Variants in CAMK1D observed in about 807,000 individuals in gnomAD.
The protein encoded by CAMK1D is calcium/calmodulin dependent protein kinase ID.
CAMK1D carries 9 observed loss-of-function variants against 47.7 expected under a neutral mutation model. That is an observed-to-expected ratio of 0.19 (90% confidence interval 0.11 to 0.33). The LOEUF is 0.33. CAMK1D is among the 10% of genes least tolerant of loss of function. CAMK1D has a pLI of 1.00. For synonymous variants in CAMK1D, 184 were observed against 184.9 expected (o/e 0.99, Z 0.04); for missense variants, 291 against 488.7 (o/e 0.60, Z 3.81).
intron 1 of CAMK1D, among the ~76,000 whole-genome samples, chr10:12,495,835 T>G (rs1377820354): frequency 6.6e-6 from 1 of 152,208 alleles, no homozygotes; most frequent in African/African-American, 2.4e-5. Flanking sequence ...GTATATATTT[T>G]TTTTCTTCTT....
intron 2 of CAMK1D, among the ~76,000 whole-genome samples, chr10:12,595,852 A>G (rs1838133456): frequency 6.6e-6 from 1 of 152,178 alleles, no homozygotes; most frequent in Admixed American, 6.5e-5. Context: ...TTTGTATTGC[A>G]CTGGGCTGTG....
At chr10:12,410,493 A>G (rs1348266694) in intron 1 of CAMK1D, among the ~76,000 whole-genome samples, 2 of 152,194 alleles carry the variant, frequency 1.3e-5, no homozygotes, top group Non-Finnish European at 2.9e-5. Context: ...TCTGCTCAAG[A>G]CAGACACAAC....
chr10:12,367,621 TC>T (rs1837874740), intron 1 of CAMK1D, among the ~76,000 whole-genome samples: 1 of 152,092 alleles, frequency 6.6e-6, no homozygotes, highest in Non-Finnish European at 1.5e-5. Context: ...CAGTGAGGGC[TC>T]CTCAGGCATT....
intron 3 of CAMK1D, among the ~76,000 whole-genome samples, chr10:12,730,284 G>C (rs778713573): frequency 4.6e-5 from 7 of 152,174 alleles, no homozygotes; most frequent in Non-Finnish European, 1.0e-4. Context: ...AAGGGAAACA[G>C]AGGGGTCAAA....
At position 12,760,915 on chromosome 10, in the gene CAMK1D, CT is replaced by C; in HGVS notation, c.300-30del. ...CTTTCCCTTCACAATTCAACAGATCCTTTCAAACTTCTAATATGTTCTTTTT... is the reference window on the plus strand; with the variant it reads ...CTTTCCCTTCACAATTCAACAGATCCTTCAAACTTCTAATATGTTCTTTTT... On this transcript the variant is annotated intron_variant, in intron 3 of 10. Transcript: ENST00000619168. 1.9e-6 allele frequency: 3 copies of C among 1,596,884 alleles called. No individual in the cohort carries two copies. The South Asian group carries it at 3.3e-5, about 18-fold the overall frequency.
intron 1 of CAMK1D, among the ~76,000 whole-genome samples, chr10:12,513,474 A>C (rs1324076666): frequency 6.6e-6 from 1 of 152,070 alleles, no homozygotes; most frequent in Non-Finnish European, 1.5e-5. Flanking sequence ...TTGAGGGCAG[A>C]GCCTTTGACT....
intron 1 of CAMK1D, among the ~76,000 whole-genome samples, chr10:12,543,176 T>G (rs764920321): frequency 3.3e-4 from 50 of 152,256 alleles, no homozygotes; most frequent in Non-Finnish European, 5.4e-4. Context: ...GCCTCCCGAG[T>G]TGCCGGGATT....
At chr10:12,511,072 C>G (rs928839973) in intron 1 of CAMK1D, among the ~76,000 whole-genome samples, 3 of 152,312 alleles carry the variant, frequency 2.0e-5, no homozygotes, top group African/African-American at 7.2e-5. Flanking sequence ...CAGTGGCCTG[C>G]TTTGTTGTAA....
intron 1 of CAMK1D, among the ~76,000 whole-genome samples, chr10:12,532,370 C>G (rs945645083): frequency 1.3e-5 from 2 of 151,150 alleles, no homozygotes; most frequent in African/African-American, 4.8e-5. Flanking sequence ...AGCTCCGCCT[C>G]CTGGGTTCAC....
rs1268812358 is a variant in CAMK1D at position 12,553,206 on chromosome 10, T to A, written c.93-19T>A. On this transcript the variant is annotated intron_variant, in intron 1 of 10. Coordinates refer to ENST00000619168, the MANE Select transcript of CAMK1D (RefSeq NM_153498.4). The stretch of plus-strand genomic sequence containing the variant: ...GGACTTCTGCATCTAAGTGTTCTTT[T>A]TTCCTTCTTTGTTCACAGCGGGGCC... The A allele has an allele frequency of 6.2e-7, 1 of 1,613,650 alleles. No homozygotes were observed. Among genetic ancestry groups the A allele is most frequent in the African/African-American group, 1.3e-5 (1 of 74,870 alleles).
chr10:12,769,381 C>T (rs1836928877), intron 4 of CAMK1D, among the ~76,000 whole-genome samples: 1 of 152,210 alleles, frequency 6.6e-6, no homozygotes, highest in Non-Finnish European at 1.5e-5. Flanking sequence ...CACAAGTCTG[C>T]AAAGCAATCG....
At chr10:12,624,701 G>T (rs77255208) in intron 2 of CAMK1D, among the ~76,000 whole-genome samples, 36 of 152,072 alleles carry the variant, frequency 2.4e-4, no homozygotes, top group African/African-American at 7.7e-4. Flanking sequence ...CTTTTTTTAC[G>T]GGGGAGCCTG....
rs531207515 is a variant in CAMK1D at position 12,375,730 on chromosome 10, C to T, written c.92+25820C>T. Among the ~76,000 whole-genome samples the T allele has an allele frequency of 1.8e-4, 27 of 152,284 alleles. No individual in the cohort carries two copies. The South Asian group carries it at 5.4e-3, about 30-fold the overall frequency. On this transcript the variant is annotated intron_variant, in intron 1 of 10. Coordinates refer to ENST00000619168, the MANE Select transcript of CAMK1D (RefSeq NM_153498.4). ...TATTATTTCCTCGTTGGGGTTTCCT[C>T]CTCTCAAACACGGCTTGTTGTAGTC...
In CAMK1D at chr10:12,547,278, C is replaced by A. The variant is rs60159925; in HGVS notation, c.93-5947C>A. On this transcript the variant is annotated intron_variant, in intron 1 of 10. Coordinates refer to ENST00000619168, the MANE Select transcript of CAMK1D (RefSeq NM_153498.4). The stretch of plus-strand genomic sequence containing the variant: ...ATTGGGTTTAGCAACTAGGGGACCC[C>A]TGGGGGGCCCAGCCCACAAGGGTCC... Among the ~76,000 whole-genome samples, 1,057 of 152,288 alleles carry A rather than the reference C, an allele frequency of 6.9e-3. 8 individuals are homozygous for A. The highest frequency in any genetic ancestry group is 0.024 in the African/African-American group (985 of 41,558).
intron 3 of CAMK1D, among the ~76,000 whole-genome samples, chr10:12,741,506 C>T (rs1057337317): frequency 7.2e-5 from 11 of 152,224 alleles, no homozygotes; most frequent in Admixed American, 5.9e-4. Flanking sequence ...GTATTGGCTA[C>T]AGTCTGTGAA....
intron 1 of CAMK1D, among the ~76,000 whole-genome samples, chr10:12,373,257 G>GCC (rs1469066430): frequency 3.3e-5 from 5 of 151,350 alleles, no homozygotes; most frequent in Admixed American, 1.3e-4. Flanking sequence ...AGGCTGCAGT[G>GCC]AGCCGTGATC....
chr10:12,362,482 C>CTTTTTGT (rs113618438), intron 1 of CAMK1D, among the ~76,000 whole-genome samples: 3 of 140,690 alleles, frequency 2.1e-5, no homozygotes, highest in Non-Finnish European at 4.8e-5. Flanking sequence ...CTCCCATGTA[C>CTTTTTGT]TTTTTGTTTT....
chr10:12,551,185 C>G (rs757039985), intron 1 of CAMK1D, among the ~76,000 whole-genome samples: 2 of 152,350 alleles, frequency 1.3e-5, no homozygotes, highest in African/African-American at 4.8e-5. Flanking sequence ...CAGCCACTCC[C>G]CATTGTTCAC....
At chr10:12,462,156 GTTTTTTTTTTTTTTT>G (rs57336292) in intron 1 of CAMK1D, among the ~76,000 whole-genome samples, 3 of 79,626 alleles carry the variant, frequency 3.8e-5, no homozygotes, top group African/African-American at 1.5e-4. Context: ...CCTATGAAGA[GTTTTTTTTTTTTTTT>G]TTTTTTTTTT....
Sources: allele counts gnomAD v4.1 joint callset (sites outside exome capture counted in the v4.1 genomes callset), GRCh38; gene constraint gnomAD v4.1.1; transcripts MANE v1.5; gene names NCBI Gene and HGNC (gene_info 2026-07-23, HGNC 2026-07-21).